Variants in PPARGC1B observed in about 807,000 individuals in gnomAD.
PPARGC1B encodes the protein peroxisome proliferator-activated receptor gamma coactivator 1-beta.
A neutral mutation model predicts 101.6 loss-of-function variants in PPARGC1B; 34 were observed. The ratio of observed to expected loss-of-function variants is 0.33; its 90% CI spans 0.25 to 0.45. The LOEUF is 0.45. Among genes scored for constraint, PPARGC1B ranks in the 20% least tolerant of loss-of-function variants. The probability of loss-of-function intolerance (pLI) is 1.00; values close to 1 mark genes in which losing one functional copy is unlikely to be tolerated. For synonymous variants in PPARGC1B, 548 were observed against 539.3 expected, an observed-to-expected ratio of 1.02 and a Z score of -0.22; for missense variants, 1,234 against 1,317.6, an observed-to-expected ratio of 0.94 and a Z score of 0.98.
chr5:149,751,719 AAAAG>A (rs1345594633), intron 1 of PPARGC1B, among the ~76,000 whole-genome samples: 68 of 152,098 alleles, frequency 4.5e-4, no homozygotes, highest in African/African-American at 1.6e-3. Flanking sequence ...GAAAAAAAAA[AAAAG>A]AAAAGAAAAC....
intron 10 of PPARGC1B, 79 bp downstream of exon 10, chr5:149,842,456 T>C: frequency 1.3e-6 from 2 of 1,562,716 alleles, no homozygotes; most frequent in African/African-American, 1.4e-5. Flanking sequence ...TACCAGAAGA[T>C]GCCCAAGATT....
intron 1 of PPARGC1B, among the ~76,000 whole-genome samples, chr5:149,781,536 C>A (rs1756600194): frequency 6.6e-6 from 1 of 152,206 alleles, no homozygotes; most frequent in East Asian, 1.9e-4. Context: ...TGTGTGAACA[C>A]CACTGAAGCA....
Position 149,738,368 on chromosome 5 carries a change from C to G in PPARGC1B, c.78+7948C>G, listed in dbSNP as rs563059221. ...GAATAGATCCGTGCCTGGAACATAA[C>G]AGACATTTAATCAATCCTCATTGAG... On this transcript the variant is annotated intron_variant, in intron 1 of 11. Transcript: ENST00000309241. Among the ~76,000 whole-genome samples, 12 of 152,316 alleles carry G rather than the reference C, an allele frequency of 7.9e-5. No individual in the cohort carries two copies. The East Asian group carries it at 2.1e-3, about 27-fold the overall frequency.
intron 1 of PPARGC1B, among the ~76,000 whole-genome samples, chr5:149,738,903 G>T (rs1045505957): frequency 1.3e-5 from 2 of 152,176 alleles, no homozygotes; most frequent in Non-Finnish European, 2.9e-5. Context: ...CCTCTAGAAA[G>T]CCTTTGAAGC....
intron 1 of PPARGC1B, among the ~76,000 whole-genome samples, chr5:149,774,906 A>G (rs1022040982): frequency 9.9e-5 from 15 of 151,758 alleles, no homozygotes; most frequent in African/African-American, 3.6e-4. Flanking sequence ...TTCTATCCCT[A>G]CTCGCGCTTC....
rs1759389898 is a variant in PPARGC1B, at chr5:149,842,434, T to TC, written c.2816+59dup. On this transcript the variant is annotated intron_variant, in intron 10 of 11. Transcript: ENST00000309241. ...GAGCAGAGAGGGGCACTGGTCCTGA[T>TC]CCAGAATTGGGTACCAGAAGATGCC... 4 of 1,586,412 alleles carry TC rather than the reference T, an allele frequency of 2.5e-6. No individual in the cohort carries two copies. In the East Asian group the frequency reaches 9.1e-5, roughly 36 times the overall value.
chr5:149,855,739 G>A (rs564412950), downstream of PPARGC1B, among the ~76,000 whole-genome samples: 1 of 152,276 alleles, frequency 6.6e-6, no homozygotes, highest in African/African-American at 2.4e-5. Context: ...CCCTAAAGCT[G>A]TTTTTTGTGC....
At chr5:149,799,703 T>TTTTTTTTG (rs1757368955) in intron 1 of PPARGC1B, among the ~76,000 whole-genome samples, 3 of 131,834 alleles carry the variant, frequency 2.3e-5, no homozygotes, top group Admixed American at 7.7e-5. Context: ...GTTTTTTTTT[T>TTTTTTTTG]TTTTTTTTTT....
At chr5:149,774,154 G>A (rs1756259397) in intron 1 of PPARGC1B, among the ~76,000 whole-genome samples, 1 of 152,212 alleles carries the variant, frequency 6.6e-6, no homozygotes, top group South Asian at 2.1e-4. Flanking sequence ...ATGGGCATCA[G>A]AGCCCCAGCG....
chr5:149,753,080 T>A (rs899056562), intron 1 of PPARGC1B, among the ~76,000 whole-genome samples: 2 of 152,250 alleles, frequency 1.3e-5, no homozygotes, highest in African/African-American at 2.4e-5. Context: ...AAGGGCATTG[T>A]TGTGCAACTT....
intron 1 of PPARGC1B, among the ~76,000 whole-genome samples, chr5:149,799,281 A>T (rs996631954): frequency 6.6e-6 from 1 of 152,112 alleles, no homozygotes; most frequent in East Asian, 1.9e-4. Context: ...TGCTTGAGTC[A>T]TTTCCCAGGG....
chr5:149,833,484 A>C lies in PPARGC1B; in HGVS notation c.1411A>C (p.Ser471Arg). ...PWTKLGRKLE[S>R]SVCPVRRSRR... ...GACGAAGCTGGGGAGGAAGCTGGAG[A>C]GCTCTGTGTGCCCCGTGCGGCGTTC... The change falls in exon 5 of 12, where the codon AGC becomes CGC. Residue 471 changes from serine (S) to arginine (R), a missense_variant. By Grantham distance (110) the Ser-to-Arg change is moderately radical. Around this residue, in one of 3 missense-constraint regions of PPARGC1B, gnomAD observed 734 missense variants for 768.4 expected, o/e 0.96. Coordinates refer to ENST00000309241, the MANE Select transcript of PPARGC1B (RefSeq NM_133263.4). This position sits in a 1 kb window ranked among gnomAD's most constrained non-coding sequence, Gnocchi z 4.1. 1.3e-6 allele frequency: 2 copies of C among 1,566,388 alleles called. No homozygotes were observed. Among genetic ancestry groups the C allele is most frequent in the African/African-American group, 2.7e-5 (2 of 73,740 alleles).
At chr5:149,813,207 A>G (rs1187237779) in intron 1 of PPARGC1B, among the ~76,000 whole-genome samples, 1 of 152,192 alleles carries the variant, frequency 6.6e-6, no homozygotes, top group African/African-American at 2.4e-5. Context: ...ACCCTAGCAG[A>G]TCTCATTGCA....
chr5:149,852,812 C>T lies in PPARGC1B; in HGVS notation c.*5254C>T, dbSNP rs138646416. 6.6e-6 allele frequency: 1 copy of T among 151,776 alleles called. No individual in the cohort carries two copies. The highest frequency in any genetic ancestry group is 1.5e-5 in the Non-Finnish European group (1 of 67,974). 9.4% of individuals were successfully genotyped at this position (151,776 alleles called of 1,614,324 possible). On this transcript the variant is annotated 3_prime_UTR_variant, in exon 12 of 12. Coordinates refer to ENST00000309241, the MANE Select transcript of PPARGC1B (RefSeq NM_133263.4). ...GCAACAGGAGGCATTGATCGCGCTGCATATGTTTAGGGCAGCTTTTGTTTT... is the reference window on the plus strand; with the variant it reads ...GCAACAGGAGGCATTGATCGCGCTGTATATGTTTAGGGCAGCTTTTGTTTT...
intron 1 of PPARGC1B, among the ~76,000 whole-genome samples, chr5:149,794,627 C>G (rs1460643032): frequency 6.6e-6 from 1 of 152,156 alleles, no homozygotes; most frequent in African/African-American, 2.4e-5. Flanking sequence ...CTTATTTTGT[C>G]TTTTCTGTGC....
chr5:149,762,491 CTCTGCTGATTCCGGCAGCCTG>C (rs1755752461), intron 1 of PPARGC1B, among the ~76,000 whole-genome samples: 1 of 152,148 alleles, frequency 6.6e-6, no homozygotes, highest in Non-Finnish European at 1.5e-5. Context: ...TCAGGTACCT[CTCTGCTGATTCCGGCAGCCTG>C]ACCCACCCAT....
intron 1 of PPARGC1B, among the ~76,000 whole-genome samples, chr5:149,794,392 C>T (rs141279252): frequency 5.9e-5 from 9 of 152,264 alleles, no homozygotes; most frequent in African/African-American, 1.9e-4. Context: ...AACTGAGGCC[C>T]ATGTAGGCAA....
chr5:149,825,762 G>C (rs1228921525), intron 2 of PPARGC1B, among the ~76,000 whole-genome samples: 1 of 152,184 alleles, frequency 6.6e-6, no homozygotes, highest in African/African-American at 2.4e-5. Context: ...CAGGCACAGA[G>C]TAGCCACCGG....
chr5:149,836,887 A>T lies in PPARGC1B; in HGVS notation c.2432A>T (p.Glu811Val). The T allele has an allele frequency of 6.2e-7, 1 of 1,613,118 alleles. No individual in the cohort carries two copies. The highest frequency in any genetic ancestry group is 8.5e-7 in the Non-Finnish European group (1 of 1,179,970). The change falls in exon 8 of 12, where the codon GAA becomes GTA. Residue 811 changes from glutamate (E) to valine (V), a missense_variant. By Grantham distance (121) the Glu-to-Val change is moderately radical. Transcript: ENST00000309241. Reference protein sequence around the residue: ...ESSFLPEEEEEEGEEEEEDDE... With the variant: ...ESSFLPEEEEVEGEEEEEDDE... ...AGCTTCCTCCCAGAGGAGGAAGAGG[A>T]AGAAGGGGAGGAGGAGGAGGAGGAC...
Sources: allele counts gnomAD v4.1 joint callset (sites outside exome capture counted in the v4.1 genomes callset), GRCh38; gene constraint gnomAD v4.1.1; regional missense constraint gnomAD v4.1.1; non-coding constraint Gnocchi (gnomAD v3.1); transcripts MANE v1.5; gene names NCBI Gene and HGNC (gene_info 2026-07-23, HGNC 2026-07-21).